The following NID2 variants were observed in gnomAD, a reference collection of about 807,000 sequenced individuals.
NID2 encodes nidogen-2.
NID2 carries 83 observed loss-of-function variants against 145.4 expected under a neutral mutation model. That is an observed-to-expected ratio of 0.57 (90% CI 0.48 to 0.69). NID2 has a LOEUF of 0.69. Among genes scored for constraint, NID2 ranks in the 30% least tolerant of loss-of-function variants. The pLI, the probability that NID2 is intolerant of heterozygous loss-of-function variation, is 0.00. For synonymous variants in NID2, 739 were observed against 701.3 expected, an observed-to-expected ratio of 1.05 and a Z score of -0.85; for missense variants, 1,807 against 1,765.7, an observed-to-expected ratio of 1.02 and a Z score of -0.42.
chr14:52,067,988 A>G lies in NID2; in HGVS notation c.404T>C (p.Leu135Pro), dbSNP rs370302393. 36 of 1,611,312 alleles carry G rather than the reference A, an allele frequency of 2.2e-5. No individual in the cohort carries two copies. The African/African-American group carries it at 4.5e-4, about 20-fold the overall frequency. The change falls in exon 2 of 22, where the codon CTG becomes CCG. Residue 135 changes from leucine (L) to proline (P), a missense_variant. Transcript: ENST00000216286. ...REDTSPAVLGLAARYVRAGFP... is the reference protein window; with the variant it reads ...REDTSPAVLGPAARYVRAGFP... ...GCCAGCGCGCACATAGCGGGCGGCC[A>G]GGCCCAGCACTGCGGGGGAGGTGTC...
intron 16 of NID2, 102 bp from the exon 17 acceptor site, chr14:52,011,785 A>AG: frequency 1.5e-6 from 2 of 1,367,758 alleles, no homozygotes; most frequent in Non-Finnish European, 2.0e-6. Flanking sequence ...GCAACACTGC[A>AG]CTGTGATCCT....
At chr14:52,052,334 T>C (rs1892706606) in intron 5 of NID2, among the ~76,000 whole-genome samples, 1 of 152,208 alleles carries the variant, frequency 6.6e-6, no homozygotes, top group Non-Finnish European at 1.5e-5. Flanking sequence ...CCCACTGTTT[T>C]AAATCTTCTA....
At chr14:52,049,195 TTTTTGTTTG>T (rs1245130479) in intron 5 of NID2, among the ~76,000 whole-genome samples, 1 of 109,158 alleles carries the variant, frequency 9.2e-6, no homozygotes, top group Non-Finnish European at 2.1e-5. Flanking sequence ...TTTAATGTTT[TTTTTGTTTG>T]TTTTTAACTT....
At chr14:52,028,677 AAG>A (rs1270650711) in intron 11 of NID2, 43 bp downstream of exon 11, 1 of 1,602,600 alleles carries the variant, frequency 6.2e-7, no homozygotes, top group Non-Finnish European at 8.5e-7. Context: ...AGCAAGATTA[AAG>A]AGCACCATTT....
intron 3 of NID2, among the ~76,000 whole-genome samples, chr14:52,057,528 C>A (rs1892890907): frequency 6.6e-6 from 1 of 151,706 alleles, no homozygotes; most frequent in South Asian, 2.1e-4. Flanking sequence ...CATGATGAAA[C>A]CCAGTCTCTA....
Position 52,020,114 on chromosome 14 carries a change from G to T in NID2, c.2739C>A (p.Ser913=). The stretch of plus-strand genomic sequence containing the variant: ...ATCCGGGTTGACAACGGCAGGAGAA[G>T]GAACCAGGAGTATTGTAGCAGGTAG... ...PAATCYNTPG[S]FSCRCQPGYY... is the part of the protein sequence containing the mutation. Residue 913 remains serine, a synonymous_variant, in exon 13 of 22, where the codon TCC becomes TCA. Coordinates refer to ENST00000216286, the MANE Select transcript of NID2 (RefSeq NM_007361.4). 1 of 1,614,170 alleles carries T rather than the reference G, an allele frequency of 6.2e-7. No individual in the cohort carries two copies. Among genetic ancestry groups the T allele is most frequent in the Non-Finnish European group, 8.5e-7 (1 of 1,179,988 alleles).
chr14:52,039,012 T>C (rs1331254528), intron 8 of NID2, 35 bp from the exon 9 acceptor site: 3 of 1,435,394 alleles, frequency 2.1e-6, no homozygotes, highest in Non-Finnish European at 2.9e-6. Flanking sequence ...TTTAAAAATA[T>C]TAAATACAGA....
chr14:52,033,726 C>T (rs543813321), intron 9 of NID2, among the ~76,000 whole-genome samples: 43 of 152,144 alleles, frequency 2.8e-4, no homozygotes, highest in African/African-American at 1.0e-3. Context: ...TCTTTTTTTC[C>T]CTCCTATTCA....
chr14:52,040,887 G>A (rs757697115), intron 7 of NID2, 36 bp from the exon 8 acceptor site: 1 of 1,599,110 alleles, frequency 6.3e-7, no homozygotes. Flanking sequence ...GGGATGAAAA[G>A]AGGTCTTGCT....
intron 16 of NID2, among the ~76,000 whole-genome samples, chr14:52,013,881 G>A (rs566617906): frequency 8.5e-5 from 13 of 152,266 alleles, no homozygotes; most frequent in African/African-American, 2.9e-4. Flanking sequence ...CCAACAAACC[G>A]CAGAGATCAC....
chr14:52,019,326 AG>A (rs1891322615), intron 13 of NID2, 32 bp from the exon 14 acceptor site: 13 of 1,523,318 alleles, frequency 8.5e-6, no homozygotes, highest in Non-Finnish European at 1.2e-5. Flanking sequence ...AAGACACAAA[AG>A]AGAAATAGAA....
At chr14:52,050,438 C>T (rs1282965415) in intron 5 of NID2, among the ~76,000 whole-genome samples, 1 of 152,196 alleles carries the variant, frequency 6.6e-6, no homozygotes, top group East Asian at 1.9e-4. Flanking sequence ...CAAAGACTTC[C>T]CCAACAGCAG....
intron 9 of NID2, among the ~76,000 whole-genome samples, chr14:52,035,522 T>G (rs1307039269): frequency 6.6e-6 from 1 of 152,142 alleles, no homozygotes; most frequent in Non-Finnish European, 1.5e-5. Context: ...CTGCTTACTT[T>G]GAGACGGGGT....
At position 52,014,445 on chromosome 14, in the gene NID2, C is replaced by T. The variant is rs199930239; in HGVS notation, c.3262G>A (p.Val1088Ile). The T allele has an allele frequency of 3.7e-5, 60 of 1,610,168 alleles. No homozygotes were observed. The highest frequency in any genetic ancestry group is 3.5e-4 in the African/African-American group (26 of 74,990). The change falls in exon 16 of 22, where the codon GTC (valine) becomes ATC (isoleucine). Residue 1088 changes from valine (V) to isoleucine (I), a missense_variant. Val to Ile is a conservative substitution (Grantham distance 29, BLOSUM62 3). Coordinates refer to ENST00000216286, the MANE Select transcript of NID2 (RefSeq NM_007361.4). Reference protein sequence around the residue: ...PGTTPACIPTVAPPMVRPTPR... With the variant: ...PGTTPACIPTIAPPMVRPTPR... Reference sequence around the variant, plus strand: ...GTGGGCCGGACCATGGGTGGAGCGACGGTGGGTATACCTGTGGGAGAGAGG... The same window carrying T: ...GTGGGCCGGACCATGGGTGGAGCGATGGTGGGTATACCTGTGGGAGAGAGG...
intron 5 of NID2, among the ~76,000 whole-genome samples, chr14:52,052,809 G>T (rs577121956): frequency 4.6e-5 from 7 of 152,332 alleles, no homozygotes; most frequent in African/African-American, 1.7e-4. Context: ...ACAATCTGGA[G>T]TCAGTTTCCC....
At chr14:52,064,984 A>G (rs554270912) in intron 2 of NID2, among the ~76,000 whole-genome samples, 6 of 152,278 alleles carry the variant, frequency 3.9e-5, no homozygotes, top group African/African-American at 1.4e-4. Flanking sequence ...GTCTCCCATC[A>G]ATAAGTATTT....
Position 52,005,194 on chromosome 14 carries a change from C to CTTTTAAATATTAATGATAAATG in NID2, c.*270_*291dup, listed in dbSNP as rs1172815207. The CTTTTAAATATTAATGATAAATG allele has an allele frequency of 3.5e-6, 1 of 287,088 alleles. No individual in the cohort carries two copies. Among genetic ancestry groups the CTTTTAAATATTAATGATAAATG allele is most frequent in the East Asian group, 6.0e-5 (1 of 16,688 alleles). 17.8% of individuals were successfully genotyped at this position (287,088 alleles called of 1,614,324 possible). ...TAATTCTTAGTTGAATGAATTTGATCTTTTAAATATTAATGATAAATGTTT... is the reference window on the plus strand; with the variant it reads ...TAATTCTTAGTTGAATGAATTTGATCTTTTAAATATTAATGATAAATGTTTTAAATATTAATGATAAATGTTT... On this transcript the variant is annotated 3_prime_UTR_variant, in exon 22 of 22. Transcript: ENST00000216286.
In NID2 at chr14:52,054,305, T is replaced by C. The variant is rs1892780808; in HGVS notation, c.784A>G (p.Ile262Val). 2.5e-6 allele frequency: 4 copies of C among 1,612,228 alleles called. No individual in the cohort carries two copies. The African/African-American group carries it at 4.0e-5, about 16-fold the overall frequency. Residue 262 changes from isoleucine to valine, a missense_variant, in exon 4 of 22, where the codon ATC becomes GTC. By Grantham distance (29) the Ile-to-Val change is conservative (BLOSUM62 3). Coordinates refer to ENST00000216286, the MANE Select transcript of NID2 (RefSeq NM_007361.4). The part of the protein sequence containing the change: ...KNLYQLSNLG[I>V]PGVWAFHIGS... ...ATATGGAAAGCCCACACTCCAGGGA[T>C]CCCCAGGTTGCTTAGTCTAAATAAA... is the stretch of plus-strand genomic sequence containing the variant.
intron 13 of NID2, among the ~76,000 whole-genome samples, chr14:52,019,550 G>A (rs58619311): frequency 0.1 from 15,349 of 152,076 alleles, 810 homozygotes; most frequent in Non-Finnish European, 0.11. Flanking sequence ...GAGGGATAGC[G>A]GTGGCATCTG....
Sources: gnomAD v4.1 joint callset for allele counts (sites outside exome capture counted in the v4.1 genomes callset) on GRCh38, gnomAD v4.1.1 for gene constraint, MANE v1.5 for transcripts, NCBI Gene and HGNC (gene_info 2026-07-23, HGNC 2026-07-21) for gene names.